The following RELN variants were observed in gnomAD, a reference collection of about 807,000 sequenced individuals.
RELN encodes reelin.
Under a neutral mutation model 427.6 loss-of-function variants are expected in RELN, and 108 were observed. The ratio of observed to expected loss-of-function variants is 0.25; its 90% CI spans 0.22 to 0.30. RELN has a LOEUF of 0.30. RELN is among the 10% of genes least tolerant of loss of function. The pLI, the probability that RELN is intolerant of heterozygous loss-of-function variation, is 1.00. For missense variants in RELN, 3,715 were observed against 4,302.8 expected (o/e 0.86, Z 3.82); for synonymous variants, 1,524 against 1,513.4 (o/e 1.01, Z -0.16).
intron 2 of RELN, among the ~76,000 whole-genome samples, chr7:103,908,004 G>A (rs1795255379): frequency 1.3e-5 from 2 of 152,112 alleles, no homozygotes; most frequent in Non-Finnish European, 2.9e-5. Context: ...CTCTCCCTGT[G>A]TCCATGTGTT....
intron 11 of RELN, among the ~76,000 whole-genome samples, chr7:103,678,484 C>T (rs1291842658): frequency 1.3e-5 from 2 of 152,194 alleles, no homozygotes; most frequent in Non-Finnish European, 2.9e-5. Flanking sequence ...CACCGGATTT[C>T]GGACAGCTAA....
intron 28 of RELN, among the ~76,000 whole-genome samples, chr7:103,578,544 C>A (rs547672486): frequency 3.8e-4 from 58 of 152,234 alleles, no homozygotes; most frequent in African/African-American, 1.3e-3. Flanking sequence ...GACCTCAGCA[C>A]GTTTTGCTTC....
chr7:103,727,466 A>C (rs1790240304), intron 7 of RELN, among the ~76,000 whole-genome samples: 1 of 152,168 alleles, frequency 6.6e-6, no homozygotes, highest in African/African-American at 2.4e-5. Flanking sequence ...AACCAAAAAA[A>C]GGCTCATTAG....
chr7:103,890,515 A>G (rs937496510), intron 2 of RELN, among the ~76,000 whole-genome samples: 1 of 151,488 alleles, frequency 6.6e-6, no homozygotes, highest in Non-Finnish European at 1.5e-5. Flanking sequence ...TGTACTCCTT[A>G]CGAGACTCGA....
intron 63 of RELN, among the ~76,000 whole-genome samples, chr7:103,479,174 G>A (rs1292011358): frequency 2.6e-5 from 4 of 152,166 alleles, no homozygotes; most frequent in African/African-American, 9.7e-5. Context: ...AATGAAATGC[G>A]AATTGGGTGA....
chr7:103,843,273 CAG>C (rs1793598502), intron 2 of RELN, among the ~76,000 whole-genome samples: 1 of 151,912 alleles, frequency 6.6e-6, no homozygotes, highest in African/African-American at 2.4e-5. Flanking sequence ...GGTATGATCA[CAG>C]CTCACTGCAG....
intron 38 of RELN, among the ~76,000 whole-genome samples, chr7:103,554,569 CAAAA>C (rs56319660): frequency 1.9e-5 from 2 of 103,316 alleles, no homozygotes; most frequent in Admixed American, 1.1e-4. Flanking sequence ...GATGCTGTCT[CAAAA>C]AAAAAAAAAA....
At chr7:103,511,818 T>A (rs1338104555) in intron 50 of RELN, among the ~76,000 whole-genome samples, 1 of 152,188 alleles carries the variant, frequency 6.6e-6, no homozygotes, top group Non-Finnish European at 1.5e-5. Flanking sequence ...CACTCCAGCC[T>A]GGGCAGCAGA....
chr7:103,855,039 G>A (rs913945337), intron 2 of RELN, among the ~76,000 whole-genome samples: 2 of 152,166 alleles, frequency 1.3e-5, no homozygotes, highest in African/African-American at 4.8e-5. Context: ...TCAAATGAAT[G>A]TATCAAATGA....
intron 2 of RELN, among the ~76,000 whole-genome samples, chr7:103,885,924 C>T (rs1290791047): frequency 6.6e-6 from 1 of 151,856 alleles, no homozygotes; most frequent in Non-Finnish European, 1.5e-5. Flanking sequence ...TAATGTCAGG[C>T]TAAGTATGCT....
intron 2 of RELN, among the ~76,000 whole-genome samples, chr7:103,855,534 A>G (rs915054951): frequency 6.6e-6 from 1 of 152,224 alleles, no homozygotes; most frequent in Non-Finnish European, 1.5e-5. Context: ...GGATTCTATT[A>G]TTAAGAAGAG....
intron 6 of RELN, among the ~76,000 whole-genome samples, chr7:103,734,405 A>AAT (rs1790440236): frequency 6.6e-6 from 1 of 152,184 alleles, no homozygotes; most frequent in African/African-American, 2.4e-5. Context: ...TCCCAATATG[A>AAT]AAAACAGAAC....
intron 2 of RELN, among the ~76,000 whole-genome samples, chr7:103,915,106 T>G (rs1795455251): frequency 6.6e-6 from 1 of 152,126 alleles, no homozygotes; most frequent in African/African-American, 2.4e-5. Context: ...CTCCAAGGTT[T>G]TCTTTCAGTT....
At chr7:103,579,960 G>A (rs1388728856) in intron 28 of RELN, among the ~76,000 whole-genome samples, 1 of 152,182 alleles carries the variant, frequency 6.6e-6, no homozygotes, top group East Asian at 1.9e-4. Flanking sequence ...CCTAGAGCAG[G>A]CTACATAGCA....
intron 1 of RELN, among the ~76,000 whole-genome samples, chr7:103,949,522 T>C (rs1329335520): frequency 6.6e-6 from 1 of 151,964 alleles, no homozygotes; most frequent in Non-Finnish European, 1.5e-5. Context: ...GCTTCCTTTT[T>C]CTCTCTCTCT....
chr7:103,502,280 A>T (rs563661930), intron 52 of RELN, among the ~76,000 whole-genome samples: 1 of 152,180 alleles, frequency 6.6e-6, no homozygotes. Flanking sequence ...AATAATAATA[A>T]TATCTATGGG....
At chr7:103,695,724 C>T (rs925682546) in intron 10 of RELN, among the ~76,000 whole-genome samples, 4 of 152,088 alleles carry the variant, frequency 2.6e-5, no homozygotes, top group African/African-American at 9.7e-5. Context: ...CCCGAGGTCT[C>T]CTGGGTTTAT....
intron 2 of RELN, among the ~76,000 whole-genome samples, chr7:103,852,398 A>T (rs1793844314): frequency 6.6e-6 from 1 of 152,192 alleles, no homozygotes; most frequent in South Asian, 2.1e-4. Context: ...CATTTCTGTC[A>T]TATACTAGCT....
chr7:103,944,164 T>C (rs1424599863), intron 1 of RELN, among the ~76,000 whole-genome samples: 2 of 152,088 alleles, frequency 1.3e-5, no homozygotes, highest in Non-Finnish European at 2.9e-5. Flanking sequence ...GGCCCTATAG[T>C]AGTGGTAGCA....
Sources: allele counts gnomAD v4.1 joint callset (sites outside exome capture counted in the v4.1 genomes callset), GRCh38; gene constraint gnomAD v4.1.1; transcripts MANE v1.5; gene names NCBI Gene and HGNC (gene_info 2026-07-23, HGNC 2026-07-21).